Variants in TRIO observed in about 807,000 individuals in gnomAD.
TRIO encodes triple functional domain protein.
A neutral mutation model predicts 351.9 loss-of-function variants in TRIO; 58 were observed. The ratio of observed to expected loss-of-function variants is 0.16; its 90% confidence interval spans 0.13 to 0.21. TRIO has a LOEUF of 0.21. Ranked by LOEUF, TRIO falls within the 10% of genes least tolerant of loss-of-function variation. TRIO has a pLI of 1.00. For synonymous variants in TRIO, 1,758 were observed against 1,595.7 expected, an observed-to-expected ratio of 1.10 and a Z score of -2.42; for missense variants, 3,201 against 4,027.8, an observed-to-expected ratio of 0.79 and a Z score of 5.56.
At chr5:14,211,545 A>G (rs1791893403) in intron 1 of TRIO, among the ~76,000 whole-genome samples, 1 of 149,908 alleles carries the variant, frequency 6.7e-6, no homozygotes, top group Admixed American at 6.6e-5. Context: ...ACAAGAATCT[A>G]CCAGTTGAAG....
At chr5:14,207,823 A>T (rs187311443) in intron 1 of TRIO, among the ~76,000 whole-genome samples, 1 of 152,374 alleles carries the variant, frequency 6.6e-6, no homozygotes, top group African/African-American at 2.4e-5. Flanking sequence ...GAACTTTTAT[A>T]ACACAATAAA....
At chr5:14,248,997 A>G (rs1160119151) in intron 1 of TRIO, among the ~76,000 whole-genome samples, 3 of 152,196 alleles carry the variant, frequency 2.0e-5, no homozygotes, top group Non-Finnish European at 4.4e-5. Context: ...GTGAGGTGCT[A>G]TGCTCAACAC....
chr5:14,261,333 T>TA (rs1339928373), intron 1 of TRIO, among the ~76,000 whole-genome samples: 6 of 152,206 alleles, frequency 3.9e-5, no homozygotes, highest in East Asian at 1.9e-4. Context: ...TCTGAGGAGT[T>TA]ACAGTTTGTG....
intron 4 of TRIO, among the ~76,000 whole-genome samples, chr5:14,290,326 T>C (rs1179934339): frequency 6.6e-6 from 1 of 152,242 alleles, no homozygotes; most frequent in Non-Finnish European, 1.5e-5. Context: ...GGGAGAAGAA[T>C]GCATTGATGT....
rs1468827575 is a variant in TRIO, at chr5:14,457,810, C to T, written c.5204-3209C>T. Among the ~76,000 whole-genome samples the T allele has an allele frequency of 2.0e-5, 3 of 152,168 alleles. No homozygotes were observed. The East Asian group carries it at 5.8e-4, about 29-fold the overall frequency. On this transcript the variant is annotated intron_variant, in intron 34 of 56. Transcript: ENST00000344204. ...GAGAGCACGCCTGCTTCTCTGTAGC[C>T]CTGCAAGTCTGGGTGGACAGAGGGA...
chr5:14,449,601 C>T (rs551859582), intron 34 of TRIO, among the ~76,000 whole-genome samples: 3 of 152,234 alleles, frequency 2.0e-5, no homozygotes, highest in Non-Finnish European at 4.4e-5. Flanking sequence ...CCACCAGCTG[C>T]AGACCACGTG....
chr5:14,333,317 T>G (rs1741085741), intron 10 of TRIO, among the ~76,000 whole-genome samples: 1 of 152,216 alleles, frequency 6.6e-6, no homozygotes, highest in Non-Finnish European at 1.5e-5. Flanking sequence ...GCTTACTCTA[T>G]CCTGTGGACA....
In TRIO at chr5:14,370,570, G is replaced by A. The variant is rs80239025; in HGVS notation, c.3216+1047G>A. On this transcript the variant is annotated intron_variant, in intron 18 of 56. Coordinates refer to ENST00000344204, the MANE Select transcript of TRIO (RefSeq NM_007118.4). ...CTTTCTGTGTTTTTTTCTGAAGTCC[G>A]TCATCTGACAGAGTTATTGTTTAGT... 1.9e-3 allele frequency among the ~76,000 whole-genome samples: 282 copies of A among 152,148 alleles called. 2 individuals are homozygous for A. The highest frequency in any genetic ancestry group is 3.2e-3 in the Admixed American group (49 of 15,286).
At chr5:14,416,995 T>G (rs1219580292) in intron 33 of TRIO, among the ~76,000 whole-genome samples, 2 of 152,166 alleles carry the variant, frequency 1.3e-5, no homozygotes, top group African/African-American at 4.8e-5. Flanking sequence ...GAAGGGCAGG[T>G]CCAAGGGGCC....
At chr5:14,243,980 C>G (rs1219488633) in intron 1 of TRIO, among the ~76,000 whole-genome samples, 1 of 152,238 alleles carries the variant, frequency 6.6e-6, no homozygotes, top group Non-Finnish European at 1.5e-5. Context: ...AGGAGTGACT[C>G]AGGTCCTGCA....
At chr5:14,263,655 A>C (rs895061161) in intron 1 of TRIO, among the ~76,000 whole-genome samples, 2 of 152,186 alleles carry the variant, frequency 1.3e-5, no homozygotes, top group Non-Finnish European at 2.9e-5. Context: ...TTTGATACAC[A>C]CTAAATTTCT....
intron 1 of TRIO, among the ~76,000 whole-genome samples, chr5:14,269,210 A>G (rs946135389): frequency 2.6e-5 from 4 of 152,222 alleles, no homozygotes; most frequent in African/African-American, 9.6e-5. Flanking sequence ...TGTCAGTGTC[A>G]TAGTTAAATC....
chr5:14,391,063 T>C, intron 27 of TRIO, 73 bp downstream of exon 27: 1 of 1,150,426 alleles, frequency 8.7e-7, no homozygotes, highest in Non-Finnish European at 1.2e-6. Flanking sequence ...ACTCATAACT[T>C]TCACCTAATT....
Position 14,508,342 on chromosome 5 carries a change from C to T in TRIO, c.9214C>T (p.Arg3072Trp), listed in dbSNP as rs1757860245. 5.6e-6 allele frequency: 9 copies of T among 1,613,910 alleles called. No homozygotes were observed. Among genetic ancestry groups the T allele is most frequent in the African/African-American group, 2.7e-5 (2 of 74,926 alleles). Reference protein sequence around the residue: ...DTSRLTSFIERRKHQNDVRPI... With the variant: ...DTSRLTSFIEWRKHQNDVRPI... ...GTCCAGACTGACTTCCTTCATTGAG[C>T]GGCGCAAACACCAGAATGATGTTCG... Residue 3072 changes from arginine (R) to tryptophan (W), a missense_variant, in exon 57 of 57, where the codon CGG (arginine) becomes TGG (tryptophan). By Grantham distance (101) the Arg-to-Trp change is moderately radical (BLOSUM62 -3). Coordinates refer to ENST00000344204, the MANE Select transcript of TRIO (RefSeq NM_007118.4).
chr5:14,330,756 A>G (rs749442694), intron 9 of TRIO, 22 bp from the exon 10 acceptor site: 12 of 1,612,898 alleles, frequency 7.4e-6, no homozygotes, highest in East Asian at 2.2e-5. Flanking sequence ...TTTATGGCAT[A>G]TGTACCTGTA....
intron 1 of TRIO, among the ~76,000 whole-genome samples, chr5:14,199,190 G>T (rs1282432190): frequency 7.9e-5 from 4 of 50,944 alleles, no homozygotes; most frequent in African/African-American, 3.2e-4. Flanking sequence ...CAACAGAGTG[G>T]GACTCAAAAA....
chr5:14,299,780 G>A (rs559077103), intron 7 of TRIO, among the ~76,000 whole-genome samples: 8 of 152,264 alleles, frequency 5.3e-5, no homozygotes, highest in Admixed American at 5.2e-4. Context: ...TGTTCATGTG[G>A]AATTTAAATC....
chr5:14,504,995 G>A (rs1226102702), intron 55 of TRIO, among the ~76,000 whole-genome samples: 1 of 152,244 alleles, frequency 6.6e-6, no homozygotes, highest in Non-Finnish European at 1.5e-5. Context: ...GATCAGCGGG[G>A]TGCCCCTCAG....
At chr5:14,369,567 T>C in intron 18 of TRIO, 44 bp downstream of exon 18, 10 of 1,563,134 alleles carry the variant, frequency 6.4e-6, no homozygotes, top group Non-Finnish European at 8.7e-6. Context: ...AGAGGCTTCC[T>C]GCCTGCCAGG....
Sources: gnomAD v4.1 joint callset for allele counts (sites outside exome capture counted in the v4.1 genomes callset) on GRCh38, gnomAD v4.1.1 for gene constraint, MANE v1.5 for transcripts, NCBI Gene and HGNC (gene_info 2026-07-23, HGNC 2026-07-21) for gene names.